PLCL1: variants seen among roughly 807,000 people sequenced by gnomAD.
PLCL1 encodes inactive phospholipase C-like protein 1.
PLCL1 carries 41 observed loss-of-function variants against 84.4 expected under a neutral mutation model. That is an observed-to-expected ratio of 0.49 (90% CI 0.38 to 0.63). The LOEUF (loss-of-function observed/expected upper bound fraction) is 0.63. Ranked by LOEUF, PLCL1 falls within the 30% of genes least tolerant of loss-of-function variation. PLCL1 has a pLI of 0.00. For missense variants in PLCL1, 1,206 were observed against 1,367.8 expected, an observed-to-expected ratio of 0.88 and a Z score of 1.87; for synonymous variants, 490 against 488.3, an observed-to-expected ratio of 1.00 and a Z score of -0.05.
At chr2:198,115,984 T>C (rs184797392) in intron 5 of PLCL1, among the ~76,000 whole-genome samples, 4 of 147,758 alleles carry the variant, frequency 2.7e-5, no homozygotes, top group Admixed American at 6.8e-5. Context: ...ATATACTTAT[T>C]AAATATATAA....
At chr2:198,034,357 C>G (rs2105852392) in intron 1 of PLCL1, among the ~76,000 whole-genome samples, 1 of 152,284 alleles carries the variant, frequency 6.6e-6, no homozygotes, top group South Asian at 2.1e-4. Context: ...CCATTTGACC[C>G]AGCCATCCCA....
At chr2:198,107,217 T>C (rs78962382) in intron 5 of PLCL1, among the ~76,000 whole-genome samples, 1 of 151,856 alleles carries the variant, frequency 6.6e-6, no homozygotes, top group Non-Finnish European at 1.5e-5. Flanking sequence ...CATCAGATCT[T>C]GTGAGAACTC....
At position 197,963,922 on chromosome 2, in the gene PLCL1, G is replaced by A. The variant is rs189542618; in HGVS notation, c.241-119836G>A. Reference sequence around the variant, plus strand: ...TGTAGAGGTATGAATTTGTTTCTGGGTTCTCTATTCTGTTCCATTAGTCTA... The same window carrying A: ...TGTAGAGGTATGAATTTGTTTCTGGATTCTCTATTCTGTTCCATTAGTCTA... On this transcript the variant is annotated intron_variant, in intron 1 of 5. Transcript: ENST00000428675. Among the ~76,000 whole-genome samples the A allele has an allele frequency of 1.2e-3, 186 of 152,100 alleles. 1 individual carries two copies. The highest frequency in any genetic ancestry group is 4.3e-3 in the African/African-American group (179 of 41,524).
Position 198,149,648 on chromosome 2 carries a change from A to G in PLCL1, c.*2686A>G, listed in dbSNP as rs1694597135. 1 of 152,228 alleles carries G rather than the reference A, an allele frequency of 6.6e-6. No individual in the cohort carries two copies. The highest frequency in any genetic ancestry group is 1.5e-5 in the Non-Finnish European group (1 of 68,040). The allele number at this position is 152,228 out of a possible 1,614,324, so 9.4% of individuals were successfully genotyped here. On this transcript the variant is annotated 3_prime_UTR_variant, in exon 6 of 6. Transcript: ENST00000428675. ...ATGGTCAATATAAAAATACAAAAATAGAGAACTATATACAACAGAAAAGCA... is the reference window on the plus strand; with the variant it reads ...ATGGTCAATATAAAAATACAAAAATGGAGAACTATATACAACAGAAAAGCA...
At chr2:197,830,609 T>C (rs1691036376) in intron 1 of PLCL1, among the ~76,000 whole-genome samples, 1 of 152,042 alleles carries the variant, frequency 6.6e-6, no homozygotes, top group Non-Finnish European at 1.5e-5. Context: ...CAGGATATTA[T>C]CCAGGAGAAC....
At chr2:197,943,217 A>T (rs1476096103) in intron 1 of PLCL1, among the ~76,000 whole-genome samples, 2 of 148,130 alleles carry the variant, frequency 1.4e-5, no homozygotes, top group African/African-American at 2.5e-5. Flanking sequence ...AAAAAAAAAA[A>T]ATCAGAATTC....
intron 5 of PLCL1, among the ~76,000 whole-genome samples, chr2:198,121,682 A>C (rs1693870758): frequency 6.6e-6 from 1 of 152,046 alleles, no homozygotes; most frequent in African/African-American, 2.4e-5. Context: ...TTTTTATGCC[A>C]GCACCATCCA....
chr2:197,840,547 TG>T (rs1462506769), intron 1 of PLCL1, among the ~76,000 whole-genome samples: 3 of 152,126 alleles, frequency 2.0e-5, no homozygotes. Context: ...AGACTGAGGG[TG>T]GGTAAGGCAT....
intron 1 of PLCL1, among the ~76,000 whole-genome samples, chr2:197,911,758 G>A (rs1688488889): frequency 6.6e-6 from 1 of 152,182 alleles, no homozygotes; most frequent in African/African-American, 2.4e-5. Context: ...TAGATCAAGA[G>A]TTTTCAGTAA....
intron 1 of PLCL1, among the ~76,000 whole-genome samples, chr2:197,890,108 G>C (rs1687987098): frequency 6.6e-6 from 1 of 152,124 alleles, no homozygotes; most frequent in Admixed American, 6.5e-5. Context: ...TGAGAGAAGA[G>C]CCAACAGGGA....
intron 1 of PLCL1, among the ~76,000 whole-genome samples, chr2:197,909,476 C>T (rs1688443830): frequency 6.6e-6 from 1 of 152,124 alleles, no homozygotes; most frequent in South Asian, 2.1e-4. Flanking sequence ...TTATAGCACT[C>T]ACAGGCACAT....
chr2:197,978,800 A>T (rs1368413252), intron 1 of PLCL1, among the ~76,000 whole-genome samples: 2 of 152,168 alleles, frequency 1.3e-5, no homozygotes, highest in Admixed American at 1.3e-4. Flanking sequence ...ACCCACACTC[A>T]CTCAGACTGG....
At chr2:198,011,602 A>G (rs1029149480) in intron 1 of PLCL1, among the ~76,000 whole-genome samples, 1 of 151,950 alleles carries the variant, frequency 6.6e-6, no homozygotes, top group African/African-American at 2.4e-5. Flanking sequence ...TGGATGTTGT[A>G]TATATATATC....
chr2:198,078,627 T>C (rs1250842835), intron 1 of PLCL1, among the ~76,000 whole-genome samples: 2 of 152,134 alleles, frequency 1.3e-5, no homozygotes, highest in Non-Finnish European at 2.9e-5. Context: ...TTCCTTCTCA[T>C]CACAGTTTGA....
intron 1 of PLCL1, among the ~76,000 whole-genome samples, chr2:198,041,731 G>T (rs1691669523): frequency 6.6e-6 from 1 of 152,172 alleles, no homozygotes; most frequent in Admixed American, 6.5e-5. Flanking sequence ...TTGTGGACTA[G>T]AATGTGTCAT....
chr2:198,116,625 T>C (rs896740699), intron 5 of PLCL1, among the ~76,000 whole-genome samples: 2 of 151,896 alleles, frequency 1.3e-5, no homozygotes, highest in African/African-American at 4.8e-5. Flanking sequence ...ATTTTATTAA[T>C]GCTTTGAAAA....
At chr2:197,906,829 T>C (rs1574942611) in intron 1 of PLCL1, among the ~76,000 whole-genome samples, 1 of 152,212 alleles carries the variant, frequency 6.6e-6, no homozygotes, top group Admixed American at 6.5e-5. Flanking sequence ...GTAGCAATTG[T>C]GAATGGGAGT....
intron 1 of PLCL1, among the ~76,000 whole-genome samples, chr2:197,919,418 T>C (rs1355438747): frequency 4.6e-5 from 7 of 152,254 alleles, no homozygotes; most frequent in African/African-American, 1.2e-4. Flanking sequence ...ACTATCATGA[T>C]GTTTTAACAT....
At position 198,080,765 on chromosome 2, in the gene PLCL1, CTT is replaced by C. The variant is rs1692691569; in HGVS notation, c.241-2991_241-2990del. On this transcript the variant is annotated intron_variant, in intron 1 of 5. Transcript: ENST00000428675. ...TAGCTCATTTGGAGACTTGTAATGACTTTGGATTCTGTCCTTTGTAAAATGAC... is the reference window on the plus strand; with the variant it reads ...TAGCTCATTTGGAGACTTGTAATGACTGGATTCTGTCCTTTGTAAAATGAC... Among the ~76,000 whole-genome samples the C allele has an allele frequency of 2.6e-5, 4 of 152,300 alleles. No individual in the cohort carries two copies. In the South Asian group the frequency reaches 8.3e-4, roughly 32 times the overall value.
Sources: gnomAD v4.1 joint callset for allele counts (sites outside exome capture counted in the v4.1 genomes callset) on GRCh38, gnomAD v4.1.1 for gene constraint, MANE v1.5 for transcripts, NCBI Gene and HGNC (gene_info 2026-07-23, HGNC 2026-07-21) for gene names.